SYCP2L: variants seen among roughly 807,000 people sequenced by gnomAD.
SYCP2L encodes synaptonemal complex protein 2-like.
SYCP2L carries 98 observed loss-of-function variants against 125.8 expected under a neutral mutation model. The observed-to-expected ratio is 0.78, with a 90% CI of 0.66 to 0.92. The LOEUF is 0.92. SYCP2L is among the 40% of genes least tolerant of loss of function. SYCP2L has a pLI of 0.00. For missense variants in SYCP2L, 842 were observed against 936.4 expected (o/e 0.90, Z 1.32); for synonymous variants, 317 against 325.4 (o/e 0.97, Z 0.28).
At chr6:10,945,701 C>T (rs1310910030) in intron 23 of SYCP2L, among the ~76,000 whole-genome samples, 3 of 137,260 alleles carry the variant, frequency 2.2e-5, no homozygotes, top group Admixed American at 8.2e-5. Context: ...ACCCAGGAGG[C>T]GGAGGTTGCG....
intron 23 of SYCP2L, among the ~76,000 whole-genome samples, chr6:10,945,463 CT>C (rs905028982): frequency 2.0e-5 from 3 of 151,928 alleles, no homozygotes; most frequent in African/African-American, 7.2e-5. Flanking sequence ...CCCTATAAAT[CT>C]TTTTTCTAAA....
intron 21 of SYCP2L, among the ~76,000 whole-genome samples, chr6:10,940,795 G>A (rs1781203847): frequency 6.6e-6 from 1 of 152,140 alleles, no homozygotes; most frequent in Non-Finnish European, 1.5e-5. Context: ...CGATTTGAAA[G>A]TGATAATCAT....
At chr6:10,898,231 A>G (rs148022812) in intron 5 of SYCP2L, 116 bp downstream of exon 5, 8 of 781,222 alleles carry the variant, frequency 1.0e-5, no homozygotes, top group African/African-American at 1.7e-5. Context: ...AAAGACTCAC[A>G]TGGCTGGGCG....
At chr6:10,955,696 T>A (rs1781493356) in intron 24 of SYCP2L, among the ~76,000 whole-genome samples, 1 of 152,204 alleles carries the variant, frequency 6.6e-6, no homozygotes, top group Non-Finnish European at 1.5e-5. Flanking sequence ...GAGCTGCTGG[T>A]ATGAGCATGC....
At chr6:10,922,263 G>A (rs1780811180) in intron 14 of SYCP2L, among the ~76,000 whole-genome samples, 2 of 152,094 alleles carry the variant, frequency 1.3e-5, no homozygotes, top group Non-Finnish European at 1.5e-5. Context: ...CAGGAAGTAG[G>A]TATTACTCTT....
intron 12 of SYCP2L, among the ~76,000 whole-genome samples, chr6:10,911,196 A>G (rs1443707451): frequency 6.6e-6 from 1 of 152,140 alleles, no homozygotes; most frequent in Non-Finnish European, 1.5e-5. Context: ...TGGGGTAAAA[A>G]GGATGATTTC....
chr6:10,960,363 GCA>G (rs1273823423), intron 26 of SYCP2L, among the ~76,000 whole-genome samples: 2 of 152,130 alleles, frequency 1.3e-5, no homozygotes, highest in Non-Finnish European at 2.9e-5. Flanking sequence ...TCTTTCAGGG[GCA>G]CACAGTTATC....
At chr6:10,962,989 G>A (rs1321319625) in intron 28 of SYCP2L, among the ~76,000 whole-genome samples, 1 of 152,164 alleles carries the variant, frequency 6.6e-6, no homozygotes, top group African/African-American at 2.4e-5. Context: ...GAGAACAGCT[G>A]ATAAAAAGCC....
At chr6:10,932,270 T>C (rs1384856527) in intron 20 of SYCP2L, among the ~76,000 whole-genome samples, 1 of 152,182 alleles carries the variant, frequency 6.6e-6, no homozygotes, top group Admixed American at 6.5e-5. Flanking sequence ...CTTATCCTTG[T>C]TTTATATCAG....
chr6:10,894,309 A>G (rs1561679001), intron 4 of SYCP2L, 105 bp downstream of exon 4: 2 of 1,386,366 alleles, frequency 1.4e-6, no homozygotes, highest in Non-Finnish European at 2.0e-6. Flanking sequence ...TTGAAATCCA[A>G]TTTGAAAAGA....
rs756317199 is a variant in SYCP2L, at chr6:10,961,276, A to G, written c.2256-29A>G. ...CTGCTGTCACATCCAAGCGATCCCAATGATATTTACTGCTTTTATGTTTAT... is the reference window on the plus strand; with the variant it reads ...CTGCTGTCACATCCAAGCGATCCCAGTGATATTTACTGCTTTTATGTTTAT... On this transcript the variant is annotated intron_variant, in intron 26 of 29. Transcript: ENST00000283141. The G allele has an allele frequency of 2.1e-5, 33 of 1,575,582 alleles. No homozygotes were observed. The East Asian group carries it at 5.8e-4, about 28-fold the overall frequency.
intron 10 of SYCP2L, among the ~76,000 whole-genome samples, chr6:10,909,579 G>A (rs1221112322): frequency 1.3e-5 from 2 of 152,198 alleles, no homozygotes; most frequent in East Asian, 1.9e-4. Context: ...TTTTTAGAAT[G>A]TTGGGGGGCA....
intron 29 of SYCP2L, among the ~76,000 whole-genome samples, chr6:10,965,247 G>A (rs949868382): frequency 6.6e-6 from 1 of 152,146 alleles, no homozygotes; most frequent in African/African-American, 2.4e-5. Flanking sequence ...AGCAGTGGAG[G>A]TGGTGAGAAA....
Position 10,954,950 on chromosome 6 carries a change from G to A in SYCP2L, c.1955-166G>A, listed in dbSNP as rs145862781. 1.6e-3 allele frequency among the ~76,000 whole-genome samples: 245 copies of A among 152,240 alleles called. 3 individuals carry two copies. The highest frequency in any genetic ancestry group is 0.012 in the South Asian group (60 of 4,822). On this transcript the variant is annotated intron_variant, in intron 23 of 29. Transcript: ENST00000283141. This position sits in a 1 kb window ranked among gnomAD's most constrained non-coding sequence, Gnocchi z 4.8. ...CCATGTTCAGGTATCAGTAGACATC[G>A]TGCTTCGATACTTGGTTTGTGCCTA...
intron 25 of SYCP2L, among the ~76,000 whole-genome samples, chr6:10,957,012 A>G (rs1781512201): frequency 6.6e-6 from 1 of 151,856 alleles, no homozygotes. Context: ...AATTTTTTGT[A>G]GAGATAGGGT....
intron 29 of SYCP2L, among the ~76,000 whole-genome samples, chr6:10,968,481 T>C (rs74709088): frequency 0.03 from 4,506 of 152,190 alleles, 203 homozygotes; most frequent in East Asian, 0.22. Context: ...AGGAGAATGC[T>C]ACCCCTCTGC....
chr6:10,924,769 T>TA, intron 15 of SYCP2L, 128 bp downstream of exon 15: 1 of 833,110 alleles, frequency 1.2e-6, no homozygotes, highest in Non-Finnish European at 1.7e-6. Flanking sequence ...AAATGCCATG[T>TA]AAAAAAGAGT....
At chr6:10,939,119 CAA>C in intron 21 of SYCP2L, among the ~76,000 whole-genome samples, 1 of 130,156 alleles carries the variant, frequency 7.7e-6, no homozygotes, top group South Asian at 2.4e-4. Context: ...GACTCCATCT[CAA>C]AAAAAAAAAG....
At chr6:10,906,601 C>CT (rs34420052) in intron 9 of SYCP2L, among the ~76,000 whole-genome samples, 1,994 of 144,040 alleles carry the variant, frequency 0.014, 35 homozygotes, top group African/African-American at 0.045. Context: ...GTAGTAGAAA[C>CT]TTTTTTTTTT....
Sources: gnomAD v4.1 joint callset for allele counts (sites outside exome capture counted in the v4.1 genomes callset) on GRCh38, gnomAD v4.1.1 for gene constraint, Gnocchi (gnomAD v3.1) non-coding constraint, MANE v1.5 for transcripts, NCBI Gene and HGNC (gene_info 2026-07-23, HGNC 2026-07-21) for gene names.